EXOC6B: variants seen among roughly 807,000 people sequenced by gnomAD.
EXOC6B encodes SEC15 homolog B.
A neutral mutation model predicts 113.5 loss-of-function variants in EXOC6B; 54 were observed. That is an observed-to-expected ratio of 0.48 (90% confidence interval 0.38 to 0.60). The LOEUF is 0.60. EXOC6B is among the 20% of genes least tolerant of loss of function. The pLI, the probability that EXOC6B is intolerant of heterozygous loss-of-function variation, is 0.00. For missense variants in EXOC6B, 797 were observed against 977.5 expected (o/e 0.82, Z 2.46); for synonymous variants, 357 against 339.0 (o/e 1.05, Z -0.58).
chr2:72,691,230 G>A (rs1343718280), intron 6 of EXOC6B, among the ~76,000 whole-genome samples: 6 of 152,164 alleles, frequency 3.9e-5, no homozygotes, highest in Admixed American at 1.3e-4. Flanking sequence ...ATTGCTGGCA[G>A]CAACCATAAG....
At chr2:72,211,520 C>T (rs1300424989) in intron 20 of EXOC6B, among the ~76,000 whole-genome samples, 1 of 152,128 alleles carries the variant, frequency 6.6e-6, no homozygotes, top group African/African-American at 2.4e-5. Context: ...CCCAAGACAA[C>T]GTGAAGCCAT....
intron 20 of EXOC6B, among the ~76,000 whole-genome samples, chr2:72,275,349 T>G (rs544654324): frequency 5.3e-5 from 8 of 152,256 alleles, no homozygotes; most frequent in Admixed American, 4.6e-4. Context: ...ACAGACCACT[T>G]GGAGTTCAAG....
intron 6 of EXOC6B, among the ~76,000 whole-genome samples, chr2:72,676,753 T>G (rs1230812349): frequency 6.6e-6 from 1 of 152,176 alleles, no homozygotes; most frequent in Non-Finnish European, 1.5e-5. Context: ...CCATTTCTTA[T>G]ACAGAGGCAA....
intron 16 of EXOC6B, among the ~76,000 whole-genome samples, chr2:72,490,809 T>C (rs1374990699): frequency 6.6e-6 from 1 of 152,158 alleles, no homozygotes; most frequent in Non-Finnish European, 1.5e-5. Context: ...AAGTTACGCC[T>C]TTCTCTTAAA....
intron 17 of EXOC6B, among the ~76,000 whole-genome samples, chr2:72,469,543 C>T (rs1698268155): frequency 1.3e-5 from 2 of 151,774 alleles, no homozygotes. Context: ...CTTTTTTTGA[C>T]CATGTTTTAT....
chr2:72,195,484 GAGA>G (rs759471960), intron 20 of EXOC6B, among the ~76,000 whole-genome samples: 4 of 152,210 alleles, frequency 2.6e-5, no homozygotes, highest in Non-Finnish European at 5.9e-5. Context: ...GATGTTGTAG[GAGA>G]AGAAGGTAGG....
chr2:72,497,260 A>C (rs1183900552), intron 13 of EXOC6B, among the ~76,000 whole-genome samples: 1 of 152,128 alleles, frequency 6.6e-6, no homozygotes, highest in Non-Finnish European at 1.5e-5. Context: ...GGCATGACCC[A>C]CTGCACCTGG....
In EXOC6B at chr2:72,765,153, G is replaced by A. The variant is rs138472268; in HGVS notation, c.114-23684C>T. Among the ~76,000 whole-genome samples, 38 of 152,102 alleles carry A rather than the reference G, an allele frequency of 2.5e-4. No individual in the cohort carries two copies. The East Asian group carries it at 4.8e-3, about 19-fold the overall frequency. ...AAGAAAAATTTTTAAAAAATTAGCC[G>A]GGCATGGTGGCACATGCCTGTAGTC... On this transcript the variant is annotated intron_variant, in intron 1 of 21. Coordinates refer to ENST00000272427, the MANE Select transcript of EXOC6B (RefSeq NM_015189.3).
chr2:72,619,798 T>A (rs2104171373), intron 6 of EXOC6B, among the ~76,000 whole-genome samples: 1 of 152,348 alleles, frequency 6.6e-6, no homozygotes, highest in East Asian at 1.9e-4. Context: ...CAGGAGACTC[T>A]GCATCCCTGA....
intron 19 of EXOC6B, among the ~76,000 whole-genome samples, chr2:72,342,973 CT>C (rs1689121524): frequency 6.6e-6 from 1 of 152,064 alleles, no homozygotes; most frequent in Non-Finnish European, 1.5e-5. Flanking sequence ...ATGAAAGCAA[CT>C]TAAGTGCTCA....
At chr2:72,498,682 A>G (rs1700170520) in intron 12 of EXOC6B, 131 bp from the exon 13 acceptor site, 1 of 594,354 alleles carries the variant, frequency 1.7e-6, no homozygotes, top group Non-Finnish European at 2.9e-6. Context: ...AAATTAAATA[A>G]AACCATTTAG....
Position 72,465,414 on chromosome 2 carries a change from T to C in EXOC6B, c.1801-75A>G, listed in dbSNP as rs1175384885. On this transcript the variant is annotated intron_variant, in intron 17 of 21. Transcript: ENST00000272427. ...AGAAATTTCTATGAGCTTAGAGCCA[T>C]CTGACATATCCATTAAGTAACTGGG... 5.4e-6 allele frequency: 6 copies of C among 1,104,040 alleles called. No individual in the cohort carries two copies. The Admixed American group carries it at 1.2e-4, about 22-fold the overall frequency. The allele number at this position is 1,104,040 out of a possible 1,614,324, so 68.4% of individuals were successfully genotyped here. A position where few individuals can be genotyped will look rare whatever the true frequency, so the allele number is the denominator to read the frequency against.
chr2:72,426,008 A>G (rs1695179718), intron 18 of EXOC6B, among the ~76,000 whole-genome samples: 1 of 152,184 alleles, frequency 6.6e-6, no homozygotes, highest in African/African-American at 2.4e-5. Context: ...CCTGGTATTT[A>G]GTAAACCTTC....
chr2:72,202,171 T>C (rs1559010825), intron 20 of EXOC6B, among the ~76,000 whole-genome samples: 1 of 152,238 alleles, frequency 6.6e-6, no homozygotes, highest in Non-Finnish European at 1.5e-5. Flanking sequence ...CAGCAGTTTC[T>C]CAATCAGGTG....
At chr2:72,773,442 T>G (rs1434532091) in intron 1 of EXOC6B, among the ~76,000 whole-genome samples, 1 of 147,590 alleles carries the variant, frequency 6.8e-6, no homozygotes, top group Non-Finnish European at 1.5e-5. Context: ...TCTTAAGTTT[T>G]CTCACCAAAA....
chr2:72,491,636 C>T (rs1439126534), intron 16 of EXOC6B, among the ~76,000 whole-genome samples: 1 of 152,096 alleles, frequency 6.6e-6, no homozygotes, highest in East Asian at 1.9e-4. Context: ...AACTTCACAT[C>T]TTTCTAAATT....
chr2:72,228,374 G>A (rs904168091), intron 20 of EXOC6B, among the ~76,000 whole-genome samples: 33 of 151,808 alleles, frequency 2.2e-4, no homozygotes, highest in Non-Finnish European at 2.9e-4. Flanking sequence ...CCATTAACTC[G>A]TCATTTAACA....
At chr2:72,649,919 T>G (rs1433942920) in intron 6 of EXOC6B, among the ~76,000 whole-genome samples, 1 of 152,020 alleles carries the variant, frequency 6.6e-6, no homozygotes, top group Non-Finnish European at 1.5e-5. Context: ...CCAAAATAAA[T>G]TAATCATAGA....
At chr2:72,297,564 C>T (rs930614444) in intron 20 of EXOC6B, among the ~76,000 whole-genome samples, 1 of 152,104 alleles carries the variant, frequency 6.6e-6, no homozygotes, top group Non-Finnish European at 1.5e-5. Flanking sequence ...AATGTGTTTG[C>T]TCTTGCTTCT....
Sources: allele counts gnomAD v4.1 joint callset (sites outside exome capture counted in the v4.1 genomes callset), GRCh38; gene constraint gnomAD v4.1.1; transcripts MANE v1.5; gene names NCBI Gene and HGNC (gene_info 2026-07-23, HGNC 2026-07-21).